Variants in APBB1IP observed in about 807,000 individuals in gnomAD.
APBB1IP encodes the protein amyloid beta A4 precursor protein-binding family B member 1-interacting protein.
APBB1IP carries 27 observed loss-of-function variants against 64.9 expected under a neutral mutation model. The observed-to-expected ratio is 0.42, with a 90% CI of 0.31 to 0.57. The LOEUF (loss-of-function observed/expected upper bound fraction) is 0.57, where lower values mean the gene tolerates loss of function less well. Ranked by LOEUF, APBB1IP falls within the 20% of genes least tolerant of loss-of-function variation. APBB1IP has a pLI of 0.20. For synonymous variants in APBB1IP, 392 were observed against 331.0 expected (o/e 1.18, Z -2.00); for missense variants, 812 against 845.5 (o/e 0.96, Z 0.49).
chr10:26,464,012 C>T (rs1835621989), intron 2 of APBB1IP, among the ~76,000 whole-genome samples: 1 of 152,076 alleles, frequency 6.6e-6, no homozygotes. Flanking sequence ...AATAGTGATT[C>T]CTCTGGTTGG....
intron 7 of APBB1IP, 28 bp downstream of exon 7, chr10:26,511,934 T>C (rs1414117936): frequency 1.2e-6 from 2 of 1,611,628 alleles, no homozygotes; most frequent in Non-Finnish European, 1.7e-6. Flanking sequence ...CAATGGGCTG[T>C]ACTCCAAAAA....
intron 11 of APBB1IP, among the ~76,000 whole-genome samples, chr10:26,556,065 T>G (rs932061963): frequency 5.3e-5 from 8 of 152,220 alleles, no homozygotes; most frequent in African/African-American, 1.9e-4. Flanking sequence ...GGTCTATAAG[T>G]GCCCTTTAAG....
chr10:26,521,892 A>T (rs1404847629), intron 8 of APBB1IP, among the ~76,000 whole-genome samples: 1 of 152,302 alleles, frequency 6.6e-6, no homozygotes, highest in African/African-American at 2.4e-5. Context: ...CTGGGATTAC[A>T]GGCATGCGCC....
chr10:26,497,038 TA>T (rs1369299928), intron 4 of APBB1IP, among the ~76,000 whole-genome samples: 1 of 151,534 alleles, frequency 6.6e-6, no homozygotes, highest in South Asian at 2.1e-4. Flanking sequence ...AAGTAAAAAA[TA>T]AAAAAATTAG....
At chr10:26,525,356 G>T (rs865779165) in intron 8 of APBB1IP, among the ~76,000 whole-genome samples, 2 of 152,264 alleles carry the variant, frequency 1.3e-5, no homozygotes, top group South Asian at 4.1e-4. Flanking sequence ...TTTGGGTCTT[G>T]ATTTCTGAAG....
intron 8 of APBB1IP, among the ~76,000 whole-genome samples, chr10:26,526,537 G>T (rs530087870): frequency 6.6e-6 from 1 of 152,100 alleles, no homozygotes; most frequent in Non-Finnish European, 1.5e-5. Context: ...TGGCCAACAT[G>T]GTGAAACCCT....
intron 7 of APBB1IP, among the ~76,000 whole-genome samples, chr10:26,513,301 G>A (rs1836283977): frequency 6.6e-6 from 1 of 152,212 alleles, no homozygotes; most frequent in African/African-American, 2.4e-5. Context: ...AAGTGTGACA[G>A]CTGACCATTG....
At chr10:26,462,761 T>C (rs1048310740) in intron 2 of APBB1IP, among the ~76,000 whole-genome samples, 3 of 152,214 alleles carry the variant, frequency 2.0e-5, no homozygotes, top group African/African-American at 7.2e-5. Flanking sequence ...AGACAGCAAT[T>C]GGAATTTCTT....
At chr10:26,538,719 GT>G in intron 10 of APBB1IP, among the ~76,000 whole-genome samples, 2 of 151,290 alleles carry the variant, frequency 1.3e-5, no homozygotes, top group South Asian at 4.2e-4. Context: ...ATTCTTCCCA[GT>G]TTTCTATAAA....
At chr10:26,473,487 T>C (rs1282216702) in intron 2 of APBB1IP, among the ~76,000 whole-genome samples, 1 of 152,226 alleles carries the variant, frequency 6.6e-6, no homozygotes, top group Non-Finnish European at 1.5e-5. Context: ...TGAAAGCTTT[T>C]AAAATGATGT....
rs536301259 is a variant in APBB1IP at position 26,506,381 on chromosome 10, A to C, written c.531+3107A>C. Among the ~76,000 whole-genome samples, 124 of 152,038 alleles carry C rather than the reference A, an allele frequency of 8.2e-4. 2 individuals carry two copies. The highest frequency in any genetic ancestry group is 6.8e-3 in the Middle Eastern group (2 of 294). ...TCCCACCCAGCCTCCCAAGTAGCTG[A>C]GACTACAGGTATGCACCACCATGGC... On this transcript the variant is annotated intron_variant, in intron 6 of 14. Coordinates refer to ENST00000376236, the MANE Select transcript of APBB1IP (RefSeq NM_019043.4).
chr10:26,499,921 T>A (rs1180497404), intron 4 of APBB1IP, among the ~76,000 whole-genome samples: 1 of 152,200 alleles, frequency 6.6e-6, no homozygotes, highest in Non-Finnish European at 1.5e-5. Context: ...TTATCATTAA[T>A]GGCTCTTGGC....
chr10:26,458,399 G>A (rs566353950), intron 2 of APBB1IP, among the ~76,000 whole-genome samples: 1 of 151,676 alleles, frequency 6.6e-6, no homozygotes, highest in South Asian at 2.1e-4. Context: ...AGGAAGGAAG[G>A]AAGGTAGGAA....
chr10:26,515,135 C>T (rs111945930), intron 8 of APBB1IP, among the ~76,000 whole-genome samples: 2 of 151,294 alleles, frequency 1.3e-5, no homozygotes, highest in African/African-American at 4.9e-5. Flanking sequence ...CCCGCCTTGG[C>T]CTCCCAAAGT....
At chr10:26,534,475 C>G (rs1564371545) in intron 9 of APBB1IP, among the ~76,000 whole-genome samples, 1 of 151,974 alleles carries the variant, frequency 6.6e-6, no homozygotes, top group Non-Finnish European at 1.5e-5. Flanking sequence ...AATTTTGGAC[C>G]TCCCTTGAAA....
rs749067634 is a variant in APBB1IP, at chr10:26,562,345, C to G, written c.1389C>G (p.Thr463=). The part of the protein sequence containing the change: ...QPSTGPKTGT[T]QPNGQIPQAT... ...TCTCAGGACCTAAAACAGGCACCAC[C>G]CAGCCCAATGGACAGATTCCCCAGG... Residue 463 remains threonine (T), a synonymous_variant, in exon 14 of 15, where the codon ACC becomes ACG. Coordinates refer to ENST00000376236, the MANE Select transcript of APBB1IP (RefSeq NM_019043.4). The G allele has an allele frequency of 6.2e-7, 1 of 1,613,830 alleles. No individual in the cohort carries two copies. Among genetic ancestry groups the G allele is most frequent in the Non-Finnish European group, 8.5e-7 (1 of 1,179,864 alleles).
At chr10:26,480,785 C>A (rs1246263001) in intron 2 of APBB1IP, among the ~76,000 whole-genome samples, 2 of 151,798 alleles carry the variant, frequency 1.3e-5, no homozygotes, top group East Asian at 3.9e-4. Flanking sequence ...GTAATCTTGG[C>A]ACACAGTTTG....
intron 8 of APBB1IP, among the ~76,000 whole-genome samples, chr10:26,523,946 A>C (rs1231102836): frequency 6.6e-6 from 1 of 152,156 alleles, no homozygotes; most frequent in Admixed American, 6.5e-5. Context: ...TGAAATAATA[A>C]TTTATGTCAT....
chr10:26,526,785 A>G (rs116093867), intron 8 of APBB1IP, among the ~76,000 whole-genome samples: 1,908 of 152,312 alleles, frequency 0.013, 36 homozygotes, highest in African/African-American at 0.044. Flanking sequence ...TCAGAAAAAT[A>G]TAAGGAAGGA....
Sources: gnomAD v4.1 joint callset for allele counts (sites outside exome capture counted in the v4.1 genomes callset) on GRCh38, gnomAD v4.1.1 for gene constraint, MANE v1.5 for transcripts, NCBI Gene and HGNC (gene_info 2026-07-23, HGNC 2026-07-21) for gene names.